NFIB: variants seen among roughly 807,000 people sequenced by gnomAD.
NFIB encodes the protein nuclear factor I B.
Under a neutral mutation model 61.5 loss-of-function variants are expected in NFIB, and 11 were observed. The observed-to-expected ratio is 0.18, with a 90% CI of 0.11 to 0.30. NFIB has a LOEUF of 0.30. NFIB is among the 10% of genes least tolerant of loss of function. NFIB has a pLI of 1.00. For missense variants in NFIB, 471 were observed against 608.9 expected, an observed-to-expected ratio of 0.77 and a Z score of 2.38; for synonymous variants, 260 against 216.5, an observed-to-expected ratio of 1.20 and a Z score of -1.76.
chr9:14,122,473 G>A (rs1473541272), intron 7 of NFIB, among the ~76,000 whole-genome samples: 1 of 152,164 alleles, frequency 6.6e-6, no homozygotes, highest in Non-Finnish European at 1.5e-5. Flanking sequence ...ACATACTGAA[G>A]TTTGAGCATC....
At chr9:14,316,779 A>G (rs1308070789), upstream of NFIB, among the ~76,000 whole-genome samples, 1 of 151,424 alleles carries the variant, frequency 6.6e-6, no homozygotes, top group Non-Finnish European at 1.5e-5. Flanking sequence ...TTCTGAGGGG[A>G]GGGGGTGGGG....
chr9:14,298,629 G>C (rs1370685480), intron 2 of NFIB, among the ~76,000 whole-genome samples: 1 of 152,128 alleles, frequency 6.6e-6, no homozygotes, highest in African/African-American at 2.4e-5. Flanking sequence ...AACAGAAGAC[G>C]TAGCTACTGC....
intron 2 of NFIB, among the ~76,000 whole-genome samples, chr9:14,273,759 A>G (rs1183980914): frequency 6.6e-6 from 1 of 152,104 alleles, no homozygotes; most frequent in Non-Finnish European, 1.5e-5. Context: ...CTCAGCACGC[A>G]TCTCCACCCC....
intron 2 of NFIB, among the ~76,000 whole-genome samples, chr9:14,298,609 G>C (rs2059577256): frequency 6.6e-6 from 1 of 152,112 alleles, no homozygotes; most frequent in African/African-American, 2.4e-5. Flanking sequence ...TCTACAGCCA[G>C]ACCATGTCAA....
At chr9:14,460,850 C>T in the NFIB span, among the ~76,000 whole-genome samples, 1 of 151,926 alleles carries the variant, frequency 6.6e-6, no homozygotes, top group Non-Finnish European at 1.5e-5. Context: ...TTCCACTGCC[C>T]AGGTCTCTGC....
At chr9:14,177,638 T>TA (rs1487897363) in intron 3 of NFIB, among the ~76,000 whole-genome samples, 2 of 152,070 alleles carry the variant, frequency 1.3e-5, no homozygotes, top group African/African-American at 4.8e-5. Context: ...ATTCTGGCTC[T>TA]AAAAAAATAG....
In NFIB at chr9:14,307,491, A is replaced by C. The variant is rs2060075879; in HGVS notation, c.60T>G (p.Leu20=). 2 of 1,608,512 alleles carry C rather than the reference A, an allele frequency of 1.2e-6. No homozygotes were observed. Among genetic ancestry groups the C allele is most frequent in the African/African-American group, 2.7e-5 (2 of 74,760 alleles). The change falls in exon 2 of 11, where the codon CTT becomes CTG. Residue 20 remains leucine (L), a synonymous_variant. Coordinates refer to ENST00000380953, the MANE Select transcript of NFIB (RefSeq NM_001190737.2). This position sits in a 1 kb window ranked among gnomAD's most constrained non-coding sequence, Gnocchi z 5.3. ...AGGCAATTGCACGGACATGTGGAAG[A>C]AGTGCCTCGATGAATGGGTGAAATT... The part of the protein sequence containing the change: ...QDEFHPFIEA[L]LPHVRAIAYT...
intron 1 of NFIB, among the ~76,000 whole-genome samples, chr9:14,351,638 C>T (rs1356312694): frequency 1.3e-5 from 2 of 152,224 alleles, no homozygotes; most frequent in Non-Finnish European, 2.9e-5. Context: ...CCAGCCCTTT[C>T]TGTCTATCCT....
At chr9:14,438,629 C>G in the NFIB span, among the ~76,000 whole-genome samples, 17 of 152,062 alleles carry the variant, frequency 1.1e-4, no homozygotes, top group African/African-American at 3.9e-4. Flanking sequence ...CCTGAAGGCA[C>G]CATTAGAAAA....
chr9:14,363,119 A>G, intron 1 of NFIB, among the ~76,000 whole-genome samples: 1 of 152,150 alleles, frequency 6.6e-6, no homozygotes, highest in Non-Finnish European at 1.5e-5. Context: ...ATTGCATCAA[A>G]CTGAGCTAGA....
At chr9:14,116,580 TC>T (rs1180026201) in intron 8 of NFIB, among the ~76,000 whole-genome samples, 2 of 152,246 alleles carry the variant, frequency 1.3e-5, no homozygotes, top group African/African-American at 4.8e-5. Context: ...GGTGAATTCC[TC>T]TTTACAGCAC....
At chr9:14,258,275 AG>A (rs1374552013) in intron 2 of NFIB, among the ~76,000 whole-genome samples, 2 of 152,240 alleles carry the variant, frequency 1.3e-5, no homozygotes, top group Non-Finnish European at 2.9e-5. Flanking sequence ...CTTATTAGTA[AG>A]GGAACAATGC....
chr9:14,209,103 C>T (rs2050047756), intron 2 of NFIB, among the ~76,000 whole-genome samples: 1 of 152,208 alleles, frequency 6.6e-6, no homozygotes, highest in Non-Finnish European at 1.5e-5. Flanking sequence ...ATCATCAATA[C>T]ATCACAGCCC....
rs1205052736 is a variant in NFIB at position 14,086,864 on chromosome 9, A to G, written c.*1445T>C. 4.9e-6 allele frequency: 1 copy of G among 202,742 alleles called. No homozygotes were observed. Among genetic ancestry groups the G allele is most frequent in the Non-Finnish European group, 1.0e-5 (1 of 98,966 alleles). The allele number at this position is 202,742 out of a possible 1,614,324, so 12.6% of individuals were successfully genotyped here. ...TTATATCTTCGTGCAAATTAGGATT[A>G]CTGGAAAGAGTATTTTTAATTAAAA... is the stretch of plus-strand genomic sequence containing the variant. On this transcript the variant is annotated 3_prime_UTR_variant, in exon 11 of 11. Coordinates refer to ENST00000380953, the MANE Select transcript of NFIB (RefSeq NM_001190737.2).
chr9:14,399,022 A>C (rs1452675209), upstream of NFIB: 1 of 222,208 alleles, frequency 4.5e-6, no homozygotes, highest in Non-Finnish European at 9.0e-6. Flanking sequence ...GAGTACTTGA[A>C]ATGTGGCTTG....
intron 2 of NFIB, among the ~76,000 whole-genome samples, chr9:14,295,212 A>G (rs1305537036): frequency 6.6e-6 from 1 of 152,100 alleles, no homozygotes; most frequent in Non-Finnish European, 1.5e-5. Flanking sequence ...CAATAAAATC[A>G]AAACAATTCA....
chr9:14,345,517 G>C (rs2061007366), intron 1 of NFIB, among the ~76,000 whole-genome samples: 1 of 152,184 alleles, frequency 6.6e-6, no homozygotes, highest in Non-Finnish European at 1.5e-5. Flanking sequence ...AGGTGCAGAG[G>C]AGTGGAGTAG....
At chr9:14,309,986 G>C (rs973046924) in intron 1 of NFIB, among the ~76,000 whole-genome samples, 1 of 152,144 alleles carries the variant, frequency 6.6e-6, no homozygotes, top group Admixed American at 6.5e-5. Context: ...GTGGTAACAC[G>C]TAAGTACTTA....
chr9:14,175,842 C>T (rs375635283), intron 3 of NFIB, among the ~76,000 whole-genome samples: 1 of 152,162 alleles, frequency 6.6e-6, no homozygotes, highest in South Asian at 2.1e-4. Flanking sequence ...CGTCATATTA[C>T]CAGCAGAGAA....
Sources: allele counts gnomAD v4.1 joint callset (sites outside exome capture counted in the v4.1 genomes callset), GRCh38; gene constraint gnomAD v4.1.1; non-coding constraint Gnocchi (gnomAD v3.1); transcripts MANE v1.5; gene names NCBI Gene and HGNC (gene_info 2026-07-23, HGNC 2026-07-21).